The following CFAP44 variants were observed in gnomAD, a reference collection of about 807,000 sequenced individuals.
The protein encoded by CFAP44 is cilia and flagella associated protein 44.
In CFAP44, 134 loss-of-function variants were observed where a neutral mutation model predicts 216.2. The observed-to-expected ratio is 0.62, with a 90% confidence interval of 0.54 to 0.72. The LOEUF (loss-of-function observed/expected upper bound fraction) is 0.72, where lower values mean the gene tolerates loss of function less well. Among genes scored for constraint, CFAP44 ranks in the 30% least tolerant of loss-of-function variants. The probability of loss-of-function intolerance (pLI) is 0.00; values close to 1 mark genes in which losing one functional copy is unlikely to be tolerated. For missense variants in CFAP44, 2,035 were observed against 2,182.1 expected (o/e 0.93, Z 1.34); for synonymous variants, 700 against 727.6 (o/e 0.96, Z 0.61).
chr3:113,391,297 A>G (rs772033601), intron 15 of CFAP44, among the ~76,000 whole-genome samples: 1 of 152,226 alleles, frequency 6.6e-6, no homozygotes, highest in Non-Finnish European at 1.5e-5. Flanking sequence ...CATATGCAGA[A>G]GAATAAAATG....
chr3:113,287,297 G>A lies in CFAP44; in HGVS notation c.*4260C>T, dbSNP rs536585024. The A allele has an allele frequency of 1.5e-3, 457 of 303,208 alleles. 2 individuals carry two copies. Among genetic ancestry groups the A allele is most frequent in the African/African-American group, 8.9e-3 (408 of 45,600 alleles). 18.8% of individuals were successfully genotyped at this position (303,208 alleles called of 1,614,324 possible). ...CACAGATGGCTGGATCCGGTGCTAC[G>A]GGAAACATTTTCCTAAGATGCCCAT... On this transcript the variant is annotated 3_prime_UTR_variant, in exon 35 of 35. Transcript: ENST00000393845.
intron 16 of CFAP44, among the ~76,000 whole-genome samples, chr3:113,380,621 T>C (rs755141997): frequency 1.2e-4 from 19 of 152,100 alleles, no homozygotes; most frequent in Admixed American, 7.9e-4. Context: ...GTACTAAATG[T>C]CACTTCCATG....
chr3:113,374,126 G>C (rs896361295), intron 17 of CFAP44, among the ~76,000 whole-genome samples: 4 of 152,088 alleles, frequency 2.6e-5, no homozygotes, highest in Admixed American at 6.5e-5. Flanking sequence ...AAATAAGAAA[G>C]AGAATGTAAC....
intron 32 of CFAP44, among the ~76,000 whole-genome samples, chr3:113,298,055 C>A (rs1262282621): frequency 6.6e-6 from 1 of 152,224 alleles, no homozygotes; most frequent in African/African-American, 2.4e-5. Flanking sequence ...ATGATGTGCA[C>A]GTGTGTGCTG....
Position 113,379,155 on chromosome 3 carries a change from C to G in CFAP44, c.2298+151G>C. On this transcript the variant is annotated intron_variant, in intron 17 of 34. Coordinates refer to ENST00000393845, the MANE Select transcript of CFAP44 (RefSeq NM_001164496.2). ...TATCCCACATTCATTCATCAAAACT[C>G]ACGACTTCAATAGTATTTAATAAAT... 3 of 571,458 alleles carry G rather than the reference C, an allele frequency of 5.2e-6. No homozygotes were observed. In the South Asian group the frequency reaches 1.9e-4, roughly 36 times the overall value. The allele number at this position is 571,458 out of a possible 1,614,324, so 35.4% of individuals were successfully genotyped here. A position where few individuals can be genotyped will look rare whatever the true frequency, so the allele number is the denominator to read the frequency against.
chr3:113,390,682 G>A (rs1320914091), intron 15 of CFAP44, among the ~76,000 whole-genome samples: 4 of 151,980 alleles, frequency 2.6e-5, no homozygotes, highest in African/African-American at 9.7e-5. Context: ...AAAATCAATA[G>A]CATTTCTATA....
chr3:113,331,384 G>A (rs936947761), intron 25 of CFAP44, among the ~76,000 whole-genome samples: 2 of 151,910 alleles, frequency 1.3e-5, no homozygotes, highest in Non-Finnish European at 2.9e-5. Context: ...CAACCCTACT[G>A]TACTTCCTGT....
At chr3:113,347,013 C>T (rs976313406) in intron 22 of CFAP44, among the ~76,000 whole-genome samples, 13 of 152,302 alleles carry the variant, frequency 8.5e-5, no homozygotes, top group Middle Eastern at 3.4e-3. Context: ...CAACTCTGGA[C>T]ACATCTTGGC....
At chr3:113,411,173 G>T (rs1173891238) in intron 6 of CFAP44, among the ~76,000 whole-genome samples, 2 of 152,032 alleles carry the variant, frequency 1.3e-5, no homozygotes, top group Non-Finnish European at 2.9e-5. Context: ...GTCAATTTTG[G>T]CTTTTGTTGC....
intron 4 of CFAP44, among the ~76,000 whole-genome samples, chr3:113,424,665 A>G (rs917857745): frequency 2.0e-5 from 3 of 152,202 alleles, no homozygotes; most frequent in Non-Finnish European, 4.4e-5. Flanking sequence ...TCAAGGCCCA[A>G]AAAGCTCTCT....
intron 26 of CFAP44, among the ~76,000 whole-genome samples, chr3:113,328,695 T>TAAAAAAAAAAAAAAAAAAAAAAAAAAAA (rs1950210721): frequency 1.4e-5 from 1 of 72,346 alleles, no homozygotes; most frequent in African/African-American, 4.7e-5. Flanking sequence ...TTTAGAGAGC[T>TAAAAAAAAAAAAAAAAAAAAAAAAAAAA]TAAAAAAAAA....
At position 113,395,266 on chromosome 3, in the gene CFAP44, C is replaced by T. The variant is rs933455506; in HGVS notation, c.1890+484G>A. Among the ~76,000 whole-genome samples the T allele has an allele frequency of 3.9e-5, 6 of 152,000 alleles. No homozygotes were observed. In the East Asian group the frequency reaches 7.7e-4, roughly 20 times the overall value. ...ATTAAAAGAGATTAGTAATCAATACCGAATTACCAATTGCTAAGAAAGAAG... is the reference window on the plus strand; with the variant it reads ...ATTAAAAGAGATTAGTAATCAATACTGAATTACCAATTGCTAAGAAAGAAG... On this transcript the variant is annotated intron_variant, in intron 15 of 34. Coordinates refer to ENST00000393845, the MANE Select transcript of CFAP44 (RefSeq NM_001164496.2).
intron 16 of CFAP44, among the ~76,000 whole-genome samples, chr3:113,379,794 A>G (rs556200950): frequency 6.6e-6 from 1 of 152,250 alleles, no homozygotes; most frequent in East Asian, 1.9e-4. Flanking sequence ...CATTTTTTTC[A>G]TAATAGAGAA....
chr3:113,333,216 C>T (rs1576552626), intron 25 of CFAP44, among the ~76,000 whole-genome samples, 190 bp downstream of exon 25: 1 of 151,918 alleles, frequency 6.6e-6, no homozygotes, highest in African/African-American at 2.4e-5. Flanking sequence ...AATCTCGTGT[C>T]CTCTCTGGGC....
intron 19 of CFAP44, among the ~76,000 whole-genome samples, chr3:113,365,301 A>C (rs1022194881): frequency 3.3e-5 from 5 of 152,158 alleles, no homozygotes; most frequent in African/African-American, 1.2e-4. Context: ...TCTTCCCTAC[A>C]TTCTTTATGT....
rs181835371 is a variant in CFAP44 at position 113,317,960 on chromosome 3, C to A, written c.4516+8485G>T. Among the ~76,000 whole-genome samples, 243 of 152,256 alleles carry A rather than the reference C, an allele frequency of 1.6e-3. 1 individual carries two copies. The highest frequency in any genetic ancestry group is 5.4e-3 in the African/African-American group (226 of 41,562). Reference sequence around the variant, plus strand: ...AGTGGCCATCTCTCCCACTCCCTCACCCCTACTTCAGAACACACCTGCAAA... The same window carrying A: ...AGTGGCCATCTCTCCCACTCCCTCAACCCTACTTCAGAACACACCTGCAAA... On this transcript the variant is annotated intron_variant, in intron 28 of 34. Coordinates refer to ENST00000393845, the MANE Select transcript of CFAP44 (RefSeq NM_001164496.2).
chr3:113,379,984 T>G (rs954200742), intron 16 of CFAP44, among the ~76,000 whole-genome samples: 10 of 152,222 alleles, frequency 6.6e-5, no homozygotes, highest in African/African-American at 2.4e-4. Flanking sequence ...CATCTTTTAC[T>G]ACTTCATTCT....
chr3:113,434,004 T>A (rs979984663), intron 1 of CFAP44: 2 of 201,382 alleles, frequency 9.9e-6, no homozygotes, highest in Non-Finnish European at 2.0e-5. Context: ...CTTTGGTCCA[T>A]CCCTCCCTCT....
chr3:113,423,672 T>C (rs1310897050), intron 4 of CFAP44, among the ~76,000 whole-genome samples: 1 of 152,244 alleles, frequency 6.6e-6, no homozygotes, highest in Non-Finnish European at 1.5e-5. Context: ...GTATAATCTC[T>C]TTTAAAATTA....
Sources: allele counts gnomAD v4.1 joint callset (sites outside exome capture counted in the v4.1 genomes callset), GRCh38; gene constraint gnomAD v4.1.1; transcripts MANE v1.5; gene names NCBI Gene and HGNC (gene_info 2026-07-23, HGNC 2026-07-21).